The following PTPRD variants were observed in gnomAD, a reference collection of about 807,000 sequenced individuals.
PTPRD encodes protein tyrosine phosphatase receptor type D, also known as receptor-type tyrosine-protein phosphatase delta.
Under a neutral mutation model 214.5 loss-of-function variants are expected in PTPRD, and 34 were observed. The ratio of observed to expected loss-of-function variants is 0.16; its 90% CI spans 0.12 to 0.21. The LOEUF is 0.21. Ranked by LOEUF, PTPRD falls within the 10% of genes least tolerant of loss-of-function variation. PTPRD has a pLI of 1.00. For synonymous variants in PTPRD, 1,128 were observed against 845.7 expected, an observed-to-expected ratio of 1.33 and a Z score of -5.79; for missense variants, 2,545 against 2,398.7, an observed-to-expected ratio of 1.06 and a Z score of -1.27.
intron 7 of PTPRD, among the ~76,000 whole-genome samples, chr9:9,666,777 AC>A (rs1190083090): frequency 6.6e-6 from 1 of 151,998 alleles, no homozygotes; most frequent in African/African-American, 2.4e-5. Context: ...GAAATCTAAA[AC>A]CAAAAATGTG....
intron 3 of PTPRD, among the ~76,000 whole-genome samples, chr9:10,285,298 A>G (rs1324209286): frequency 6.6e-6 from 1 of 152,226 alleles, no homozygotes; most frequent in African/African-American, 2.4e-5. Flanking sequence ...TGCAGAAAGA[A>G]TATCTACAAA....
chr9:9,831,376 C>G (rs2054774818), intron 5 of PTPRD, among the ~76,000 whole-genome samples: 1 of 151,918 alleles, frequency 6.6e-6, no homozygotes, highest in Non-Finnish European at 1.5e-5. Context: ...TTTTTAATGT[C>G]AGCTGAATTC....
At chr9:9,491,238 A>G (rs2095880546) in intron 8 of PTPRD, among the ~76,000 whole-genome samples, 1 of 151,970 alleles carries the variant, frequency 6.6e-6, no homozygotes, top group South Asian at 2.1e-4. Context: ...ATTTCAATAC[A>G]GCACTAATAT....
At chr9:9,007,889 T>C (rs2099487138) in intron 11 of PTPRD, among the ~76,000 whole-genome samples, 1 of 146,730 alleles carries the variant, frequency 6.8e-6, no homozygotes, top group Admixed American at 7.0e-5. Flanking sequence ...AAAAGTGTTT[T>C]TTTTTTTTGT....
intron 7 of PTPRD, among the ~76,000 whole-genome samples, chr9:9,626,381 C>T (rs529478354): frequency 6.6e-6 from 1 of 152,220 alleles, no homozygotes; most frequent in South Asian, 2.1e-4. Context: ...AGCATAGTGC[C>T]TAACAAGTCA....
chr9:9,031,066 G>A (rs1009237872), intron 10 of PTPRD, among the ~76,000 whole-genome samples: 2 of 152,024 alleles, frequency 1.3e-5, no homozygotes, highest in East Asian at 3.9e-4. Flanking sequence ...TAGGGGGAAT[G>A]GTTAAATTGA....
intron 9 of PTPRD, among the ~76,000 whole-genome samples, chr9:9,287,663 T>C (rs959433228): frequency 1.3e-5 from 2 of 151,958 alleles, no homozygotes; most frequent in African/African-American, 4.8e-5. Context: ...AAGGTCCTAC[T>C]GTGAAACAGA....
chr9:10,439,840 T>C (rs186077023), intron 2 of PTPRD, among the ~76,000 whole-genome samples: 15 of 151,860 alleles, frequency 9.9e-5, no homozygotes, highest in African/African-American at 3.6e-4. Context: ...TCTTAAATAA[T>C]GTTTCTTGTT....
chr9:9,612,679 A>T (rs1056879873), intron 7 of PTPRD, among the ~76,000 whole-genome samples: 1 of 151,818 alleles, frequency 6.6e-6, no homozygotes, highest in Non-Finnish European at 1.5e-5. Context: ...ACAATCTTTG[A>T]AAAAAAAGGA....
At position 8,521,488 on chromosome 9, in the gene PTPRD, G is replaced by A. The variant is rs147417729; in HGVS notation, c.750C>T (p.Gly250=). ...IPPTNHEIMP[G]GSVNITCVAV... ...CCACACAGGTGATATTAACGCTTCC[G>A]CCTGGCATGATTTCATGATTAGTGG... The change falls in exon 20 of 46, where the codon GGC becomes GGT. Residue 250 remains glycine (G), a synonymous_variant. Coordinates refer to ENST00000381196, the MANE Select transcript of PTPRD (RefSeq NM_002839.4). 3.9e-5 allele frequency: 63 copies of A among 1,613,930 alleles called. No homozygotes were observed. The highest frequency in any genetic ancestry group is 1.7e-4 in the Middle Eastern group (1 of 6,060).
intron 3 of PTPRD, among the ~76,000 whole-genome samples, chr9:10,125,898 AT>A (rs755943018): frequency 6.6e-6 from 1 of 152,166 alleles, no homozygotes; most frequent in Non-Finnish European, 1.5e-5. Context: ...AGCATGTAAA[AT>A]GTCTAAAGAT....
chr9:9,998,282 G>C (rs867758068), intron 4 of PTPRD, among the ~76,000 whole-genome samples: 1 of 151,318 alleles, frequency 6.6e-6, no homozygotes, highest in South Asian at 2.1e-4. Context: ...AGATGGTCCA[G>C]CAGGATTGAT....
intron 5 of PTPRD, among the ~76,000 whole-genome samples, chr9:9,775,686 G>A (rs1290674481): frequency 1.3e-5 from 2 of 152,150 alleles, no homozygotes; most frequent in Non-Finnish European, 1.5e-5. Flanking sequence ...GCTCACGCCT[G>A]TAATCCCAGC....
intron 9 of PTPRD, among the ~76,000 whole-genome samples, chr9:9,258,276 G>C (rs543909646): frequency 3.3e-5 from 5 of 151,990 alleles, no homozygotes; most frequent in Admixed American, 2.0e-4. Flanking sequence ...ATAACAGCTT[G>C]GCTTCCAGGC....
intron 10 of PTPRD, among the ~76,000 whole-genome samples, chr9:9,052,479 G>A (rs955120656): frequency 1.3e-5 from 2 of 152,120 alleles, no homozygotes; most frequent in Admixed American, 1.3e-4. Context: ...GTTCCTTGAG[G>A]TAAAGTGTTG....
Position 10,313,397 on chromosome 9 carries a change from T to TACACAC in PTPRD, c.-545+27560_-545+27565dup, listed in dbSNP as rs60788124. 2.0e-5 allele frequency among the ~76,000 whole-genome samples: 3 copies of TACACAC among 148,356 alleles called. No homozygotes were observed. The Admixed American group carries it at 2.0e-4, about 10-fold the overall frequency. On this transcript the variant is annotated intron_variant, in intron 3 of 45. Transcript: ENST00000381196. ...GACATGGTCAGAGACAGGTACAGAT[T>TACACAC]ACACACACACACACACACACAAATT...
intron 3 of PTPRD, among the ~76,000 whole-genome samples, chr9:10,057,267 C>CTA (rs2097670364): frequency 6.6e-6 from 1 of 152,078 alleles, no homozygotes; most frequent in Non-Finnish European, 1.5e-5. Flanking sequence ...TACTGGTGCA[C>CTA]TACTATCAGT....
intron 2 of PTPRD, among the ~76,000 whole-genome samples, chr9:10,515,915 T>C (rs887128735): frequency 7.2e-5 from 11 of 151,930 alleles, no homozygotes; most frequent in Admixed American, 4.6e-4. Context: ...CAGAATTTTC[T>C]TTTTTATGGC....
At chr9:8,393,500 C>G (rs1444916041) in intron 36 of PTPRD, among the ~76,000 whole-genome samples, 3 of 152,060 alleles carry the variant, frequency 2.0e-5, no homozygotes, top group Non-Finnish European at 4.4e-5. Flanking sequence ...AGATGTTTGC[C>G]TTCTGCTCCT....
Sources: allele counts gnomAD v4.1 joint callset (sites outside exome capture counted in the v4.1 genomes callset), GRCh38; gene constraint gnomAD v4.1.1; transcripts MANE v1.5; gene names NCBI Gene and HGNC (gene_info 2026-07-23, HGNC 2026-07-21).